The following TGS1 variants were observed in gnomAD, a reference collection of about 807,000 sequenced individuals.
TGS1 encodes the protein trimethylguanosine synthase 1.
A neutral mutation model predicts 92.2 loss-of-function variants in TGS1; 69 were observed. The observed-to-expected ratio is 0.75, with a 90% confidence interval of 0.62 to 0.91. The LOEUF (loss-of-function observed/expected upper bound fraction) is 0.91, where lower values mean the gene tolerates loss of function less well. TGS1 is among the 40% of genes least tolerant of loss of function. TGS1 has a pLI of 0.00. For missense variants in TGS1, 1,062 were observed against 1,001.2 expected, an observed-to-expected ratio of 1.06 and a Z score of -0.82; for synonymous variants, 345 against 338.1, an observed-to-expected ratio of 1.02 and a Z score of -0.22.
chr8:55,812,199 T>C (rs561424443), intron 11 of TGS1, among the ~76,000 whole-genome samples: 1 of 152,210 alleles, frequency 6.6e-6, no homozygotes, highest in East Asian at 1.9e-4. Flanking sequence ...TGTTTGACTC[T>C]TAACAGGAAA....
At chr8:55,819,829 CTTTG>C (rs376214971) in intron 12 of TGS1, among the ~76,000 whole-genome samples, 14 of 152,138 alleles carry the variant, frequency 9.2e-5, no homozygotes, top group African/African-American at 3.1e-4. Flanking sequence ...GTTTTGCCAA[CTTTG>C]TTTTATTTTC....
At chr8:55,811,504 G>A (rs1413829761) in intron 11 of TGS1, among the ~76,000 whole-genome samples, 4 of 151,360 alleles carry the variant, frequency 2.6e-5, no homozygotes, top group Non-Finnish European at 4.4e-5. Context: ...GCTCACACCT[G>A]TAATCCCAGC....
chr8:55,797,482 A>G (rs559397355), intron 7 of TGS1, among the ~76,000 whole-genome samples: 1 of 152,212 alleles, frequency 6.6e-6, no homozygotes, highest in Non-Finnish European at 1.5e-5. Context: ...ACAGCTTTAT[A>G]TTATAAGCTT....
chr8:55,788,221 AG>A (rs1035304289), intron 4 of TGS1, among the ~76,000 whole-genome samples: 1 of 152,250 alleles, frequency 6.6e-6, no homozygotes, highest in Non-Finnish European at 1.5e-5. Flanking sequence ...TCTAGTGTAG[AG>A]GAACTTTCTT....
intron 6 of TGS1, 40 bp from the exon 7 acceptor site, chr8:55,795,938 A>G: frequency 6.7e-7 from 1 of 1,485,236 alleles, no homozygotes; most frequent in Non-Finnish European, 9.3e-7. Flanking sequence ...ATATAATCCT[A>G]GAATTTAAGT....
intron 5 of TGS1, 113 bp from the exon 6 acceptor site, chr8:55,792,585 A>G: frequency 3.1e-6 from 2 of 649,472 alleles, no homozygotes; most frequent in Non-Finnish European, 5.5e-6. Context: ...ACTATGGTTG[A>G]CTATGGTGTT....
chr8:55,808,494 T>G (rs1380609579), intron 10 of TGS1, among the ~76,000 whole-genome samples: 7 of 139,878 alleles, frequency 5.0e-5, no homozygotes, highest in African/African-American at 1.1e-4. Flanking sequence ...TATATAGTTC[T>G]TTCTTTTTCT....
At chr8:55,808,925 A>G (rs1803267338) in intron 10 of TGS1, among the ~76,000 whole-genome samples, 1 of 152,190 alleles carries the variant, frequency 6.6e-6, no homozygotes, top group African/African-American at 2.4e-5. Context: ...TGAGCTAATG[A>G]CATTATGGCA....
chr8:55,800,146 A>AT (rs951058143), intron 8 of TGS1, among the ~76,000 whole-genome samples: 11 of 148,996 alleles, frequency 7.4e-5, no homozygotes, highest in South Asian at 4.3e-4. Context: ...TTGAGTCTTG[A>AT]TTTTTTTTTT....
chr8:55,815,324 A>G (rs1208800008), intron 12 of TGS1, among the ~76,000 whole-genome samples: 1 of 152,176 alleles, frequency 6.6e-6, no homozygotes. Context: ...CAAGTGTATT[A>G]ATTTTTTTTG....
At chr8:55,783,528 A>C (rs564618260) in intron 2 of TGS1, among the ~76,000 whole-genome samples, 1 of 152,306 alleles carries the variant, frequency 6.6e-6, no homozygotes, top group East Asian at 1.9e-4. Flanking sequence ...CCAGGTGAAC[A>C]TCTATAGTCT....
At chr8:55,823,849 G>A (rs919235456) in intron 12 of TGS1, among the ~76,000 whole-genome samples, 10 of 152,082 alleles carry the variant, frequency 6.6e-5, no homozygotes, top group Non-Finnish European at 1.5e-4. Context: ...GGCCGGGCAC[G>A]GTGGCTTGTA....
At chr8:55,795,941 A>C in intron 6 of TGS1, 37 bp from the exon 7 acceptor site, 1 of 1,516,922 alleles carries the variant, frequency 6.6e-7, no homozygotes, top group Non-Finnish European at 9.0e-7. Flanking sequence ...TAATCCTAGA[A>C]TTTAAGTTGT....
intron 1 of TGS1, among the ~76,000 whole-genome samples, chr8:55,776,277 CTT>C (rs71256565): frequency 1.1e-4 from 13 of 120,524 alleles, no homozygotes; most frequent in African/African-American, 9.5e-5. Flanking sequence ...TTCACGGTGT[CTT>C]TTTTTTTTTT....
intron 3 of TGS1, 63 bp from the exon 4 acceptor site, chr8:55,786,175 G>T (rs1811702536): frequency 2.1e-6 from 2 of 940,796 alleles, no homozygotes; most frequent in Admixed American, 6.4e-5. Context: ...AATAGACTTG[G>T]ATTCTACTTT....
rs1585793973 is a variant in TGS1 at position 55,816,198 on chromosome 8, A to T, written c.2439+3080A>T. ...TTTCCTTGGACAGCCAGAGAATTCC[A>T]GCTAATTCTAGCTTTGGATCTACCA... On this transcript the variant is annotated intron_variant, in intron 12 of 12. Coordinates refer to ENST00000260129, the MANE Select transcript of TGS1 (RefSeq NM_024831.8). 2.6e-5 allele frequency among the ~76,000 whole-genome samples: 4 copies of T among 152,290 alleles called. 1 individual carries two copies. The highest frequency in any genetic ancestry group is 2.6e-4 in the Admixed American group (4 of 15,284).
At chr8:55,792,584 G>A in intron 5 of TGS1, 114 bp from the exon 6 acceptor site, 1 of 645,292 alleles carries the variant, frequency 1.5e-6, no homozygotes, top group South Asian at 2.1e-5. Context: ...AACTATGGTT[G>A]ACTATGGTGT....
At chr8:55,805,997 T>C (rs112683361) in intron 10 of TGS1, among the ~76,000 whole-genome samples, 9,321 of 150,154 alleles carry the variant, frequency 0.062, 333 homozygotes, top group African/African-American at 0.098. Context: ...AATTGCAGGC[T>C]GCAGTGAGCT....
In TGS1 at chr8:55,824,737, G is replaced by A; in HGVS notation, c.*34G>A. 1.9e-6 allele frequency: 3 copies of A among 1,611,692 alleles called. No individual in the cohort carries two copies. The highest frequency in any genetic ancestry group is 2.5e-6 in the Non-Finnish European group (3 of 1,178,728). ...CAGTGCGAGGACAAAAGATCATGGA[G>A]TGGTCAAAATATTCAGATGAGACAT... On this transcript the variant is annotated 3_prime_UTR_variant, in exon 13 of 13. Coordinates refer to ENST00000260129, the MANE Select transcript of TGS1 (RefSeq NM_024831.8).
Sources: allele counts gnomAD v4.1 joint callset (sites outside exome capture counted in the v4.1 genomes callset), GRCh38; gene constraint gnomAD v4.1.1; transcripts MANE v1.5; gene names NCBI Gene and HGNC (gene_info 2026-07-23, HGNC 2026-07-21).